Variants in HERC6 observed in about 807,000 individuals in gnomAD.
The protein encoded by HERC6 is HECT and RLD domain containing E3 ubiquitin protein ligase family member 6.
Under a neutral mutation model 114.5 loss-of-function variants are expected in HERC6, and 101 were observed. The ratio of observed to expected loss-of-function variants is 0.88; its 90% CI spans 0.75 to 1.04. The LOEUF (loss-of-function observed/expected upper bound fraction) is 1.04, where lower values mean the gene tolerates loss of function less well. Ranked by LOEUF, HERC6 falls within the 50% of genes least tolerant of loss-of-function variation. The probability of loss-of-function intolerance (pLI) is 0.00; values close to 1 mark genes in which losing one functional copy is unlikely to be tolerated. For missense variants in HERC6, 1,133 were observed against 1,230.9 expected, an observed-to-expected ratio of 0.92 and a Z score of 1.19; for synonymous variants, 408 against 436.2, an observed-to-expected ratio of 0.94 and a Z score of 0.81.
chr4:88,426,798 T>C (rs1737687097), intron 15 of HERC6, among the ~76,000 whole-genome samples: 2 of 152,242 alleles, frequency 1.3e-5, no homozygotes, highest in South Asian at 2.1e-4. Context: ...TTAGTGCCTA[T>C]TACCAGCATG....
chr4:88,427,122 G>A (rs1560566575), intron 15 of HERC6, among the ~76,000 whole-genome samples: 1 of 152,202 alleles, frequency 6.6e-6, no homozygotes, highest in Non-Finnish European at 1.5e-5. Context: ...TAGTTGTTAT[G>A]AGTGAAGCTG....
intron 3 of HERC6, among the ~76,000 whole-genome samples, chr4:88,390,103 C>A (rs1004572570): frequency 7.0e-6 from 1 of 143,144 alleles, no homozygotes; most frequent in Non-Finnish European, 1.5e-5. Flanking sequence ...CGCTTGAAAC[C>A]AGGAGGTGGA....
intron 18 of HERC6, among the ~76,000 whole-genome samples, 175 bp downstream of exon 18, chr4:88,436,066 A>G (rs1738701931): frequency 6.6e-6 from 1 of 152,174 alleles, no homozygotes; most frequent in Non-Finnish European, 1.5e-5. Flanking sequence ...AAAATGGAGG[A>G]AAGCTGAGTG....
At chr4:88,420,270 A>G (rs1403241138) in intron 13 of HERC6, among the ~76,000 whole-genome samples, 1 of 152,174 alleles carries the variant, frequency 6.6e-6, no homozygotes, top group African/African-American at 2.4e-5. Context: ...GTATCTTTAT[A>G]ATAAATATTG....
chr4:88,393,699 A>C, intron 5 of HERC6, 117 bp downstream of exon 5: 1 of 527,848 alleles, frequency 1.9e-6, no homozygotes, highest in Non-Finnish European at 3.5e-6. Flanking sequence ...CTATAACAAA[A>C]TACCATAAAA....
intron 13 of HERC6, among the ~76,000 whole-genome samples, chr4:88,422,834 T>C (rs1460153012): frequency 1.3e-5 from 2 of 152,212 alleles, no homozygotes; most frequent in East Asian, 3.8e-4. Context: ...AGAACTAATC[T>C]ATAAACCTTT....
intron 1 of HERC6, 43 bp downstream of exon 1, chr4:88,379,163 C>G (rs764150220): frequency 1.4e-6 from 2 of 1,441,978 alleles, no homozygotes; most frequent in Admixed American, 2.2e-5. Context: ...GACCCCAGTA[C>G]ATGGGCGCGG....
chr4:88,397,992 GA>G (rs1376497616), intron 7 of HERC6, 149 bp from the exon 8 acceptor site: 11 of 548,274 alleles, frequency 2.0e-5, no homozygotes, highest in South Asian at 1.4e-4. Context: ...GGGAAAAAAA[GA>G]AAAAAATTAA....
intron 16 of HERC6, among the ~76,000 whole-genome samples, chr4:88,430,862 A>G (rs1738128699): frequency 6.6e-6 from 1 of 152,200 alleles, no homozygotes; most frequent in African/African-American, 2.4e-5. Flanking sequence ...GAAGAACATC[A>G]AAATTTGGTT....
At chr4:88,442,085 A>ATTTT in intron 22 of HERC6, 149 bp from the exon 23 acceptor site, 3 of 650,590 alleles carry the variant, frequency 4.6e-6, no homozygotes, top group Non-Finnish European at 8.1e-6. Context: ...AAATGTCATG[A>ATTTT]TTTTTATACA....
intron 11 of HERC6, among the ~76,000 whole-genome samples, chr4:88,408,973 C>T (rs1041409982): frequency 6.6e-6 from 1 of 152,110 alleles, no homozygotes; most frequent in African/African-American, 2.4e-5. Context: ...AAACTGTCCT[C>T]TTGTGCTGAG....
At chr4:88,423,819 A>G in intron 13 of HERC6, 41 bp from the exon 14 acceptor site, 4 of 882,612 alleles carry the variant, frequency 4.5e-6, no homozygotes, top group South Asian at 1.7e-5. Flanking sequence ...TAAATCACTT[A>G]TTGATAGAAA....
chr4:88,388,437 G>C (rs369278821), intron 3 of HERC6, among the ~76,000 whole-genome samples: 1 of 151,828 alleles, frequency 6.6e-6, no homozygotes, highest in Non-Finnish European at 1.5e-5. Context: ...TGCAATCCTA[G>C]CTACTTGGGA....
intron 7 of HERC6, among the ~76,000 whole-genome samples, chr4:88,397,358 A>G (rs1251123125): frequency 6.6e-6 from 1 of 151,718 alleles, no homozygotes; most frequent in Non-Finnish European, 1.5e-5. Context: ...GGGATCCACC[A>G]GCCTCGGCCT....
chr4:88,417,668 T>TA, intron 13 of HERC6, 89 bp downstream of exon 13: 2 of 1,115,042 alleles, frequency 1.8e-6, no homozygotes, highest in Non-Finnish European at 2.5e-6. Flanking sequence ...AGAAGTCAAA[T>TA]AAAAATCATG....
chr4:88,395,906 T>C, intron 5 of HERC6, 109 bp from the exon 6 acceptor site: 1 of 881,232 alleles, frequency 1.1e-6, no homozygotes, highest in Non-Finnish European at 1.7e-6. Context: ...ATGTAGAGCT[T>C]GTGTTTCACA....
chr4:88,397,585 T>G (rs1028763438), intron 7 of HERC6, among the ~76,000 whole-genome samples: 1 of 151,806 alleles, frequency 6.6e-6, no homozygotes, highest in Non-Finnish European at 1.5e-5. Flanking sequence ...TAATCCCAGC[T>G]ACCTAGGAGG....
intron 16 of HERC6, 81 bp from the exon 17 acceptor site, chr4:88,431,081 T>C: frequency 8.2e-7 from 1 of 1,214,450 alleles, no homozygotes; most frequent in Non-Finnish European, 1.2e-6. Flanking sequence ...GCAAGAATGG[T>C]CGTTAGAGGT....
Position 88,396,042 on chromosome 4 carries a change from A to G in HERC6, c.787A>G (p.Asn263Asp). 1 of 1,603,290 alleles carries G rather than the reference A, an allele frequency of 6.2e-7. No homozygotes were observed. The highest frequency in any genetic ancestry group is 8.5e-7 in the Non-Finnish European group (1 of 1,175,036). ...QDGKVFTFGD[N>D]RSGQLGYSPT... Reference sequence around the variant, plus strand: ...CGGGAAAGTGTTCACATTTGGAGACAATCGCTCTGGACAGCTGGGATACAG... The same window carrying G: ...CGGGAAAGTGTTCACATTTGGAGACGATCGCTCTGGACAGCTGGGATACAG... Residue 263 changes from asparagine (N) to aspartate (D), a missense_variant, in exon 6 of 23, where the codon AAT becomes GAT. Physicochemically the swap from Asn to Asp is conservative, Grantham distance 23. Transcript: ENST00000264346.
Sources: allele counts gnomAD v4.1 joint callset (sites outside exome capture counted in the v4.1 genomes callset), GRCh38; gene constraint gnomAD v4.1.1; transcripts MANE v1.5; gene names NCBI Gene and HGNC (gene_info 2026-07-23, HGNC 2026-07-21).